Variants in CPNE8 observed in about 807,000 individuals in gnomAD.
CPNE8 encodes copine 8.
Under a neutral mutation model 81.5 loss-of-function variants are expected in CPNE8, and 45 were observed. The observed-to-expected ratio is 0.55, with a 90% CI of 0.44 to 0.71. The LOEUF (loss-of-function observed/expected upper bound fraction) is 0.71. Among genes scored for constraint, CPNE8 ranks in the 30% least tolerant of loss-of-function variants. The probability of loss-of-function intolerance (pLI) is 0.00; values close to 1 mark genes in which losing one functional copy is unlikely to be tolerated. For missense variants in CPNE8, 594 were observed against 672.1 expected, an observed-to-expected ratio of 0.88 and a Z score of 1.28; for synonymous variants, 252 against 226.3, an observed-to-expected ratio of 1.11 and a Z score of -1.02.
intron 6 of CPNE8, among the ~76,000 whole-genome samples, chr12:38,794,122 C>A (rs1432338086): frequency 1.3e-5 from 2 of 152,010 alleles, no homozygotes; most frequent in African/African-American, 4.8e-5. Context: ...GGAAAGCTTC[C>A]TGAAATTGGT....
At chr12:38,712,517 A>ACCATGC (rs1432175826) in intron 13 of CPNE8, among the ~76,000 whole-genome samples, 1 of 152,164 alleles carries the variant, frequency 6.6e-6, no homozygotes, top group Non-Finnish European at 1.5e-5. Context: ...CCAGGCTGCC[A>ACCATGC]CCAATTTTAT....
chr12:38,774,715 G>A (rs1483963479), intron 7 of CPNE8, among the ~76,000 whole-genome samples: 4 of 151,860 alleles, frequency 2.6e-5, no homozygotes, highest in Non-Finnish European at 5.9e-5. Flanking sequence ...GTCTTGATTA[G>A]ACAAAGTACA....
At chr12:38,729,673 G>C (rs1187907461) in intron 11 of CPNE8, among the ~76,000 whole-genome samples, 1 of 151,924 alleles carries the variant, frequency 6.6e-6, no homozygotes, top group Admixed American at 6.6e-5. Context: ...ATCCACATAC[G>C]TTAAATTTTA....
intron 6 of CPNE8, among the ~76,000 whole-genome samples, chr12:38,789,561 A>G (rs1471916297): frequency 6.6e-6 from 1 of 151,786 alleles, no homozygotes; most frequent in Non-Finnish European, 1.5e-5. Flanking sequence ...CTTAGGTAAT[A>G]TCCCATTGGC....
chr12:38,745,614 C>A (rs752137500), intron 10 of CPNE8, among the ~76,000 whole-genome samples: 2 of 152,172 alleles, frequency 1.3e-5, no homozygotes, highest in Non-Finnish European at 2.9e-5. Context: ...GTGATCACAG[C>A]TCATTGCAGC....
chr12:38,715,121 A>G (rs372759770), intron 13 of CPNE8, among the ~76,000 whole-genome samples: 1 of 152,092 alleles, frequency 6.6e-6, no homozygotes, highest in Non-Finnish European at 1.5e-5. Context: ...TTTAAATTGC[A>G]ATTCAATAAG....
At chr12:38,825,945 T>C (rs957759805) in intron 6 of CPNE8, among the ~76,000 whole-genome samples, 22 of 152,310 alleles carry the variant, frequency 1.4e-4, no homozygotes, top group African/African-American at 4.8e-4. Context: ...TTTCACCCTC[T>C]CATCTCTTTC....
intron 6 of CPNE8, among the ~76,000 whole-genome samples, chr12:38,816,910 T>G (rs1034365625): frequency 5.9e-5 from 9 of 152,156 alleles, no homozygotes; most frequent in African/African-American, 1.9e-4. Context: ...TATTGGAAAT[T>G]TTTACTTACT....
intron 3 of CPNE8, among the ~76,000 whole-genome samples, chr12:38,851,248 A>G (rs1045689669): frequency 7.2e-5 from 11 of 152,336 alleles, no homozygotes; most frequent in Non-Finnish European, 1.5e-4. Context: ...AAGGCATGTC[A>G]TCAGCTCTGA....
chr12:38,780,539 G>A (rs1414308629), intron 6 of CPNE8, among the ~76,000 whole-genome samples: 1 of 151,996 alleles, frequency 6.6e-6, no homozygotes. Context: ...TTACACTTGG[G>A]CACATGATAG....
rs143957962 is a variant in CPNE8 at position 38,744,560 on chromosome 12, T to A, written c.723-14202A>T. On this transcript the variant is annotated intron_variant, in intron 10 of 19. Transcript: ENST00000331366. ...TTCAATTAAAATAATGTGGCTGTTA[T>A]AAACCCATAGATGTCATCTCTTTAA... is the stretch of plus-strand genomic sequence containing the variant. Among the ~76,000 whole-genome samples the A allele has an allele frequency of 3.8e-4, 58 of 152,294 alleles. 1 individual carries two copies. In the East Asian group the frequency reaches 0.01, roughly 27 times the overall value.
chr12:38,720,035 G>C (rs556868224), intron 13 of CPNE8, among the ~76,000 whole-genome samples: 1 of 152,132 alleles, frequency 6.6e-6, no homozygotes, highest in African/African-American at 2.4e-5. Context: ...GCCCAGGCTG[G>C]AGTGCAGTGG....
At chr12:38,687,683 A>G (rs1425612570) in intron 15 of CPNE8, among the ~76,000 whole-genome samples, 2 of 152,132 alleles carry the variant, frequency 1.3e-5, no homozygotes, top group East Asian at 1.9e-4. Context: ...CACCCGGCCA[A>G]AATGCAAAGC....
chr12:38,812,883 C>T (rs1412941990), intron 6 of CPNE8, among the ~76,000 whole-genome samples: 1 of 152,134 alleles, frequency 6.6e-6, no homozygotes, highest in Non-Finnish European at 1.5e-5. Flanking sequence ...TCTGCAGCCT[C>T]CAAAACTGTG....
chr12:38,664,833 C>G (rs1256391089), intron 19 of CPNE8, among the ~76,000 whole-genome samples: 1 of 152,060 alleles, frequency 6.6e-6, no homozygotes, highest in Non-Finnish European at 1.5e-5. Context: ...TAGGTGAGCA[C>G]AGAGTCTGAT....
intron 7 of CPNE8, among the ~76,000 whole-genome samples, chr12:38,773,269 G>T (rs1941846157): frequency 6.6e-6 from 1 of 152,050 alleles, no homozygotes; most frequent in South Asian, 2.1e-4. Context: ...TAACAATACT[G>T]CACTGTATAT....
chr12:38,697,564 T>A (rs1249618016), intron 14 of CPNE8, among the ~76,000 whole-genome samples: 1 of 152,166 alleles, frequency 6.6e-6, no homozygotes, highest in Non-Finnish European at 1.5e-5. Context: ...TTTAACAATG[T>A]GAGGAACTTA....
In CPNE8 at chr12:38,693,806, T is replaced by A. The variant is rs1294353135; in HGVS notation, c.994A>T (p.Met332Leu). The A allele has an allele frequency of 6.2e-7, 1 of 1,612,676 alleles. No homozygotes were observed. The highest frequency in any genetic ancestry group is 2.2e-5 in the East Asian group (1 of 44,756). Reference protein sequence around the residue: ...NPAQPTSLHYMNPYQLNAYGM... With the variant: ...NPAQPTSLHYLNPYQLNAYGM... Reference sequence around the variant, plus strand: ...TAGGCATTCAGTTGGTAAGGATTCATGTAGTGGAGGGAAGTGGGCTGAGCA... The same window carrying A: ...TAGGCATTCAGTTGGTAAGGATTCAAGTAGTGGAGGGAAGTGGGCTGAGCA... Residue 332 changes from methionine (M) to leucine (L), a missense_variant, in exon 15 of 20, where the codon ATG becomes TTG. By Grantham distance (15) the Met-to-Leu change is conservative. Transcript: ENST00000331366.
chr12:38,800,235 C>T (rs1299756798), intron 6 of CPNE8, among the ~76,000 whole-genome samples: 2 of 65,976 alleles, frequency 3.0e-5, no homozygotes, highest in African/African-American at 7.8e-5. Flanking sequence ...CAGCAGTAAC[C>T]TCTGCAGACT....
Sources: gnomAD v4.1 joint callset for allele counts (sites outside exome capture counted in the v4.1 genomes callset) on GRCh38, gnomAD v4.1.1 for gene constraint, MANE v1.5 for transcripts, NCBI Gene and HGNC (gene_info 2026-07-23, HGNC 2026-07-21) for gene names.